UBE2W: variants seen among roughly 807,000 people sequenced by gnomAD.
UBE2W encodes ubiquitin conjugating enzyme E2 W, also known as ubiquitin-conjugating enzyme E2 W.
In UBE2W, 18 loss-of-function variants were observed where a neutral mutation model predicts 27.2. The ratio of observed to expected loss-of-function variants is 0.66; its 90% CI spans 0.46 to 0.98. UBE2W has a LOEUF of 0.98. UBE2W is among the 50% of genes least tolerant of loss of function. The pLI is 0.00. For missense variants in UBE2W, 90 were observed against 180.2 expected (o/e 0.50, Z 2.87); for synonymous variants, 53 against 57.2 (o/e 0.93, Z 0.33).
At chr8:73,803,657 T>C (rs1586452646) in intron 5 of UBE2W, among the ~76,000 whole-genome samples, 1 of 152,202 alleles carries the variant, frequency 6.6e-6, no homozygotes, top group Non-Finnish European at 1.5e-5. Context: ...TCTTAAAGTT[T>C]TGCCATTTTC....
At chr8:73,828,324 T>C (rs953520293) in intron 2 of UBE2W, among the ~76,000 whole-genome samples, 1 of 152,208 alleles carries the variant, frequency 6.6e-6, no homozygotes, top group Non-Finnish European at 1.5e-5. Flanking sequence ...CAGTAAGGTC[T>C]TCCTAAAGGA....
At chr8:73,865,180 CAAAAAAAAAAA>C (rs11354153) in intron 1 of UBE2W, among the ~76,000 whole-genome samples, 35 of 32,860 alleles carry the variant, frequency 1.1e-3, no homozygotes, top group African/African-American at 2.3e-3. Flanking sequence ...GTGCAAACGT[CAAAAAAAAAAA>C]AAAAAAAAAA....
intron 1 of UBE2W, among the ~76,000 whole-genome samples, chr8:73,839,303 G>C (rs1810433260): frequency 6.9e-6 from 1 of 145,800 alleles, no homozygotes; most frequent in Non-Finnish European, 1.5e-5. Flanking sequence ...AATGATCCTG[G>C]TTATTTTGAA....
At chr8:73,780,844 T>C (rs1807828614) in intron 4 of UBE2W, among the ~76,000 whole-genome samples, 1 of 152,138 alleles carries the variant, frequency 6.6e-6, no homozygotes, top group Non-Finnish European at 1.5e-5. Flanking sequence ...AACTTTCTAA[T>C]AATCAGATTT....
In UBE2W at chr8:73,863,583, A is replaced by G. The variant is rs553537228; in HGVS notation, c.15+15225T>C. On this transcript the variant is annotated intron_variant, in intron 1 of 5. Coordinates refer to ENST00000602593, the MANE Select transcript of UBE2W (RefSeq NM_018299.6). ...CCCTAAAACTTAAAGTATAATAAAAAAAAAAAAGAAAAAAAAATACAAAAA... is the reference window on the plus strand; with the variant it reads ...CCCTAAAACTTAAAGTATAATAAAAGAAAAAAAGAAAAAAAAATACAAAAA... Among the ~76,000 whole-genome samples the G allele has an allele frequency of 7.9e-5, 9 of 114,160 alleles. No homozygotes were observed. In the East Asian group the frequency reaches 1.2e-3, roughly 15 times the overall value. 74.9% of individuals were successfully genotyped at this position (114,160 alleles called of 152,430 possible). A position where few individuals can be genotyped will look rare whatever the true frequency, so the allele number is the denominator to read the frequency against.
At chr8:73,840,373 A>T (rs915868658) in intron 1 of UBE2W, among the ~76,000 whole-genome samples, 1 of 152,190 alleles carries the variant, frequency 6.6e-6, no homozygotes, top group Non-Finnish European at 1.5e-5. Context: ...ATTCATTTCT[A>T]AATTAGTCTG....
chr8:73,867,113 G>A (rs1327118008), intron 1 of UBE2W, among the ~76,000 whole-genome samples: 3 of 152,112 alleles, frequency 2.0e-5, no homozygotes, highest in Non-Finnish European at 4.4e-5. Flanking sequence ...ATGACAAATT[G>A]TTTAGGACCA....
intron 1 of UBE2W, among the ~76,000 whole-genome samples, chr8:73,853,153 C>G (rs979875701): frequency 7.2e-5 from 11 of 152,182 alleles, no homozygotes; most frequent in African/African-American, 2.4e-4. Context: ...AGGTGCCATT[C>G]TGGACTACTG....
At chr8:73,781,249 G>A (rs1289363757), downstream of UBE2W, among the ~76,000 whole-genome samples, 42 of 137,016 alleles carry the variant, frequency 3.1e-4, no homozygotes, top group Admixed American at 5.7e-4. Context: ...CAGCCTGTGC[G>A]ACACAATGAG....
chr8:73,797,275 C>T (rs748059733), intron 5 of UBE2W, among the ~76,000 whole-genome samples: 2 of 151,866 alleles, frequency 1.3e-5, no homozygotes, highest in East Asian at 1.9e-4. Context: ...CTTGGATATC[C>T]CCAGGGACAG....
chr8:73,842,646 T>C (rs925729891), intron 1 of UBE2W, among the ~76,000 whole-genome samples: 2 of 146,286 alleles, frequency 1.4e-5, no homozygotes, highest in Non-Finnish European at 1.5e-5. Flanking sequence ...CAAAAATACA[T>C]GTAATTTGTT....
At chr8:73,803,110 G>A (rs1808716573) in intron 5 of UBE2W, among the ~76,000 whole-genome samples, 1 of 152,162 alleles carries the variant, frequency 6.6e-6, no homozygotes, top group South Asian at 2.1e-4. Flanking sequence ...AGCTACTAGG[G>A]AGGCTGAGGG....
intron 1 of UBE2W, among the ~76,000 whole-genome samples, chr8:73,853,646 C>G (rs775868451): frequency 9.9e-5 from 15 of 152,070 alleles, no homozygotes; most frequent in Non-Finnish European, 1.9e-4. Context: ...ACAATGTGTA[C>G]CTTAGTATCT....
intron 1 of UBE2W, among the ~76,000 whole-genome samples, chr8:73,877,534 G>C (rs935599638): frequency 2.6e-5 from 4 of 152,078 alleles, no homozygotes; most frequent in Non-Finnish European, 5.9e-5. Flanking sequence ...GTACAAAAGA[G>C]GAAGAAGATG....
intron 2 of UBE2W, among the ~76,000 whole-genome samples, chr8:73,827,805 A>T (rs982102347): frequency 6.6e-6 from 1 of 152,136 alleles, no homozygotes; most frequent in African/African-American, 2.4e-5. Flanking sequence ...TCAGCCTCTC[A>T]AAGCATTGAG....
At chr8:73,875,386 A>G (rs1812178556) in intron 1 of UBE2W, among the ~76,000 whole-genome samples, 1 of 152,284 alleles carries the variant, frequency 6.6e-6, no homozygotes, top group East Asian at 1.9e-4. Context: ...CAGAACCTAA[A>G]AGATGGTTGA....
Position 73,786,561 on chromosome 8 carries a change from T to C in UBE2W, c.*7541A>G. ...AAGAAAGGACAAGGATGATAACCTT[T>C]CAGCTACCTTTGAACTAGACCTTTC... On this transcript the variant is annotated 3_prime_UTR_variant, in exon 6 of 6. Coordinates refer to ENST00000602593, the MANE Select transcript of UBE2W (RefSeq NM_018299.6). The C allele has an allele frequency of 1.0e-6, 1 of 985,426 alleles. No individual in the cohort carries two copies. Among genetic ancestry groups the C allele is most frequent in the Non-Finnish European group, 1.2e-6 (1 of 829,930 alleles). The allele number at this position is 985,426 out of a possible 1,614,324, so 61.0% of individuals were successfully genotyped here. A position where few individuals can be genotyped will look rare whatever the true frequency, so the allele number is the denominator to read the frequency against.
intron 1 of UBE2W, chr8:73,870,425 C>A: frequency 1.1e-6 from 1 of 875,752 alleles, no homozygotes; most frequent in Non-Finnish European, 1.7e-6. Flanking sequence ...TCTAGTAGAG[C>A]TAGCTTAAAA....
At chr8:73,875,110 G>A (rs969715557) in intron 1 of UBE2W, among the ~76,000 whole-genome samples, 16 of 152,106 alleles carry the variant, frequency 1.1e-4, no homozygotes, top group South Asian at 8.3e-4. Context: ...TTTTTTCTAG[G>A]AAGAAACAAT....
Sources: allele counts gnomAD v4.1 joint callset (sites outside exome capture counted in the v4.1 genomes callset), GRCh38; gene constraint gnomAD v4.1.1; transcripts MANE v1.5; gene names NCBI Gene and HGNC (gene_info 2026-07-23, HGNC 2026-07-21).